Variants in TUSC3 observed in about 807,000 individuals in gnomAD.
TUSC3 encodes dolichyl-diphosphooligosaccharide--protein glycosyltransferase subunit TUSC3.
TUSC3 carries 45 observed loss-of-function variants against 44.8 expected under a neutral mutation model. The ratio of observed to expected loss-of-function variants is 1.00; its 90% CI spans 0.79 to 1.29. The LOEUF (loss-of-function observed/expected upper bound fraction) is 1.29, where lower values mean the gene tolerates loss of function less well. TUSC3 is among the 50% of genes most tolerant of loss of function. The pLI is 0.00. For synonymous variants in TUSC3, 212 were observed against 152.9 expected (o/e 1.39, Z -2.85); for missense variants, 519 against 437.9 (o/e 1.19, Z -1.65).
chr8:15,732,110 C>G lies in TUSC3; in HGVS notation c.862+1381C>G, dbSNP rs116756291. 6.1e-3 allele frequency among the ~76,000 whole-genome samples: 926 copies of G among 152,230 alleles called. 7 individuals are homozygous for G. The highest frequency in any genetic ancestry group is 0.021 in the African/African-American group (884 of 41,542). On this transcript the variant is annotated intron_variant, in intron 7 of 10. Coordinates refer to ENST00000503731, the MANE Select transcript of TUSC3 (RefSeq NM_006765.4). ...ACAAAAGGCTAGTTGGTGTATTCCTCTGTTTTCCCTTCTTTCTTACTCTGA... is the reference window on the plus strand; with the variant it reads ...ACAAAAGGCTAGTTGGTGTATTCCTGTGTTTTCCCTTCTTTCTTACTCTGA...
intron 5 of TUSC3, 122 bp downstream of exon 5, chr8:15,662,418 C>A: frequency 7.4e-7 from 1 of 1,348,612 alleles, no homozygotes; most frequent in East Asian, 2.4e-5. Context: ...TGAGAAGTAA[C>A]TTTTTAGAAC....
At chr8:15,428,796 T>C (rs1435313297) in intron 1 of TUSC3, among the ~76,000 whole-genome samples, 43 of 152,144 alleles carry the variant, frequency 2.8e-4, no homozygotes, top group Admixed American at 5.2e-4. Flanking sequence ...TCATATCCTT[T>C]GCCCACTTTT....
intron 1 of TUSC3, among the ~76,000 whole-genome samples, chr8:15,571,189 G>A (rs1802862966): frequency 6.6e-6 from 1 of 151,674 alleles, no homozygotes; most frequent in South Asian, 2.1e-4. Flanking sequence ...CCTGACTTCA[G>A]GGGATCCACC....
chr8:15,687,315 A>C (rs1385742493), intron 6 of TUSC3, among the ~76,000 whole-genome samples: 1 of 152,140 alleles, frequency 6.6e-6, no homozygotes, highest in East Asian at 1.9e-4. Flanking sequence ...CTCAAGTCTC[A>C]GTCTTCAGAG....
chr8:15,816,534 G>T, the TUSC3 span, among the ~76,000 whole-genome samples: 1 of 152,242 alleles, frequency 6.6e-6, no homozygotes, highest in South Asian at 2.1e-4. Flanking sequence ...GTAGTGGAAA[G>T]GGTGACTCTT....
chr8:15,562,598 C>T lies in TUSC3; in HGVS notation c.138+22030C>T, dbSNP rs749825512. Among the ~76,000 whole-genome samples, 16 of 152,066 alleles carry T rather than the reference C, an allele frequency of 1.1e-4. 1 individual carries two copies. Among genetic ancestry groups the T allele is most frequent in the African/African-American group, 2.2e-4 (9 of 41,408 alleles). ...TAGGAGGCCAAAATTAAGGTGAGAC[C>T]GGGTTGCGTTCTTTTCTGAATCTCT... On this transcript the variant is annotated intron_variant, in intron 1 of 10. Coordinates refer to ENST00000503731, the MANE Select transcript of TUSC3 (RefSeq NM_006765.4).
intron 1 of TUSC3, among the ~76,000 whole-genome samples, chr8:15,599,507 T>C (rs1804195341): frequency 6.6e-6 from 1 of 151,750 alleles, no homozygotes; most frequent in African/African-American, 2.4e-5. Flanking sequence ...GTCATCGCCA[T>C]ACCCAGTTAC....
At chr8:15,490,648 G>T (rs1585063939) in intron 2 of TUSC3, among the ~76,000 whole-genome samples, 1 of 152,142 alleles carries the variant, frequency 6.6e-6, no homozygotes, top group African/African-American at 2.4e-5. Flanking sequence ...TGATACATTT[G>T]CCCTAAAAGA....
chr8:15,475,105 A>T (rs1303749701), intron 1 of TUSC3, among the ~76,000 whole-genome samples: 1 of 152,176 alleles, frequency 6.6e-6, no homozygotes, highest in Non-Finnish European at 1.5e-5. Flanking sequence ...CATGATAATA[A>T]CAGCTAATAT....
the TUSC3 span, among the ~76,000 whole-genome samples, chr8:15,777,103 A>C: frequency 6.6e-6 from 1 of 152,186 alleles, no homozygotes; most frequent in Non-Finnish European, 1.5e-5. Flanking sequence ...TTTGAAGAAC[A>C]GGAAACAAAG....
intron 2 of TUSC3, among the ~76,000 whole-genome samples, chr8:15,504,467 C>A (rs1325412306): frequency 2.0e-5 from 3 of 150,816 alleles, no homozygotes; most frequent in African/African-American, 4.9e-5. Flanking sequence ...AACATCAGTT[C>A]ATTAAGAAAC....
intron 1 of TUSC3, among the ~76,000 whole-genome samples, chr8:15,457,061 G>A (rs930708940): frequency 2.4e-4 from 36 of 151,234 alleles, no homozygotes; most frequent in Admixed American, 7.3e-4. Flanking sequence ...GCAAACTATC[G>A]CAAGGATAAA....
At chr8:15,484,143 C>T (rs1309253757) in intron 2 of TUSC3, among the ~76,000 whole-genome samples, 1 of 152,104 alleles carries the variant, frequency 6.6e-6, no homozygotes, top group Non-Finnish European at 1.5e-5. Flanking sequence ...CTAAATCCTT[C>T]TCATGATTCA....
chr8:15,748,861 T>G (rs1291936843), intron 9 of TUSC3: 1 of 403,552 alleles, frequency 2.5e-6, no homozygotes, highest in East Asian at 7.2e-5. Flanking sequence ...CTACAAAATT[T>G]TAACTTTTCA....
chr8:15,743,743 A>G, intron 8 of TUSC3, 131 bp downstream of exon 8: 2 of 1,028,432 alleles, frequency 1.9e-6, no homozygotes, highest in Non-Finnish European at 3.0e-6. Context: ...GAAGATTTTA[A>G]CTTTTTTCTA....
intron 2 of TUSC3, among the ~76,000 whole-genome samples, chr8:15,515,439 C>G (rs1183151666): frequency 6.6e-6 from 1 of 152,092 alleles, no homozygotes; most frequent in Non-Finnish European, 1.5e-5. Context: ...TCACATTTTT[C>G]TCCTTTATTT....
At chr8:15,702,485 A>G (rs934824899) in intron 6 of TUSC3, among the ~76,000 whole-genome samples, 5 of 152,104 alleles carry the variant, frequency 3.3e-5, no homozygotes, top group South Asian at 4.1e-4. Context: ...AATACCTTCC[A>G]AGGTTCTCAT....
chr8:15,475,162 C>G lies in TUSC3; in HGVS notation n.92-8224C>G, dbSNP rs940115784. On this transcript the variant is annotated intron_variant and non_coding_transcript_variant, in intron 1 of 5. Coordinates refer to the TUSC3 transcript ENST00000503191. ...TGAGGCACCATGCTACACCTAAAGT[C>G]TTAAACTATCCTATTTAGTCGTCAA... Among the ~76,000 whole-genome samples, 6 of 152,190 alleles carry G rather than the reference C, an allele frequency of 3.9e-5. No individual in the cohort carries two copies. The South Asian group carries it at 1.2e-3, about 32-fold the overall frequency.
chr8:15,770,108 A>C (rs1812414941), downstream of TUSC3, among the ~76,000 whole-genome samples: 1 of 152,216 alleles, frequency 6.6e-6, no homozygotes, highest in South Asian at 2.1e-4. Context: ...AGATACATGC[A>C]CATGTATGTT....
Sources: allele counts gnomAD v4.1 joint callset (sites outside exome capture counted in the v4.1 genomes callset), GRCh38; gene constraint gnomAD v4.1.1; transcripts MANE v1.5; gene names NCBI Gene and HGNC (gene_info 2026-07-23, HGNC 2026-07-21).